Variants in ARIH2 observed in about 807,000 individuals in gnomAD.
ARIH2 encodes the protein E3 ubiquitin-protein ligase ARIH2.
Under a neutral mutation model 79.8 loss-of-function variants are expected in ARIH2, and 12 were observed. The ratio of observed to expected loss-of-function variants is 0.15; its 90% CI spans 0.10 to 0.24. ARIH2 has a LOEUF of 0.24. Ranked by LOEUF, ARIH2 falls within the 10% of genes least tolerant of loss-of-function variation. The pLI, the probability that ARIH2 is intolerant of heterozygous loss-of-function variation, is 1.00. For missense variants in ARIH2, 301 were observed against 618.3 expected, an observed-to-expected ratio of 0.49 and a Z score of 5.44; for synonymous variants, 224 against 213.9, an observed-to-expected ratio of 1.05 and a Z score of -0.41.
At chr3:48,967,749 A>C (rs1353940068) in intron 6 of ARIH2, among the ~76,000 whole-genome samples, 1 of 152,232 alleles carries the variant, frequency 6.6e-6, no homozygotes, top group African/African-American at 2.4e-5. Flanking sequence ...AATCACCTCT[A>C]AATAATGTTA....
In ARIH2 at chr3:48,927,768, G is replaced by A. The variant is rs773970088; in HGVS notation, c.210G>A (p.Glu70=). The A allele has an allele frequency of 1.2e-6, 2 of 1,614,190 alleles. No individual in the cohort carries two copies. Among genetic ancestry groups the A allele is most frequent in the African/African-American group, 2.7e-5 (2 of 75,058 alleles). Reference sequence around the variant, plus strand: ...CTTGCTTGACCTACAAGGAATCTGAGGGTGCCCTCAATGAGCACATGACCA... The same window carrying A: ...CTTGCTTGACCTACAAGGAATCTGAAGGTGCCCTCAATGAGCACATGACCA... The part of the protein sequence containing the change: ...QFTCLTYKES[E]GALNEHMTSL... The change falls in exon 3 of 16, where the codon GAG becomes GAA. Residue 70 remains glutamate, a synonymous_variant. Transcript: ENST00000356401.
intron 15 of ARIH2, 59 bp downstream of exon 15, chr3:48,983,038 A>T (rs2092806916): frequency 1.3e-6 from 2 of 1,557,742 alleles, no homozygotes; most frequent in Middle Eastern, 1.7e-4. Flanking sequence ...GCATGGTAAT[A>T]GGTGACAGCG....
chr3:48,976,903 CA>C (rs377502253), intron 11 of ARIH2, among the ~76,000 whole-genome samples: 47 of 134,948 alleles, frequency 3.5e-4, no homozygotes, highest in South Asian at 4.9e-4. Flanking sequence ...GACTCTGTCT[CA>C]AAAAAAAAAA....
chr3:48,952,056 CT>C (rs1361943890), intron 3 of ARIH2, among the ~76,000 whole-genome samples: 17 of 151,884 alleles, frequency 1.1e-4, no homozygotes, highest in East Asian at 5.8e-4. Context: ...ATTTTTGGAC[CT>C]TTTTTAATAT....
intron 3 of ARIH2, among the ~76,000 whole-genome samples, chr3:48,938,435 C>T (rs2087493294): frequency 6.6e-6 from 1 of 151,798 alleles, no homozygotes; most frequent in Non-Finnish European, 1.5e-5. Context: ...GAATGAGCTA[C>T]TTATATAAGC....
rs1187451779 is a variant in ARIH2 at position 48,986,012 on chromosome 3, G to C, written c.*2742G>C. ...AAGTGTGGAGTCTAATCTCAAGGGT[G>C]AAGGACAGGAAATGAGGTTTGGATT... On this transcript the variant is annotated 3_prime_UTR_variant, in exon 16 of 16. Transcript: ENST00000356401. The C allele has an allele frequency of 2.6e-5, 4 of 152,264 alleles. No homozygotes were observed. Among genetic ancestry groups the C allele is most frequent in the African/African-American group, 9.7e-5 (4 of 41,442 alleles). 9.4% of individuals were successfully genotyped at this position (152,264 alleles called of 1,614,324 possible). A position where few individuals can be genotyped will look rare whatever the true frequency, so the allele number is the denominator to read the frequency against.
At chr3:48,961,757 C>T in intron 4 of ARIH2, 78 bp downstream of exon 4, 3 of 953,216 alleles carry the variant, frequency 3.1e-6, no homozygotes, top group Non-Finnish European at 5.1e-6. Flanking sequence ...CATTTTGGAC[C>T]ATATTCGACT....
At chr3:48,979,735 A>C in intron 12 of ARIH2, 102 bp downstream of exon 12, 1 of 1,329,924 alleles carries the variant, frequency 7.5e-7, no homozygotes, top group South Asian at 1.4e-5. Flanking sequence ...GCCTGTGCAC[A>C]TAGAAGTCAG....
chr3:48,945,201 G>T (rs1213667712), intron 3 of ARIH2: 1 of 1,289,614 alleles, frequency 7.8e-7, no homozygotes, highest in East Asian at 5.5e-5. Context: ...GGAAGGGCTG[G>T]TGACAGTTTT....
At chr3:48,939,174 G>T (rs1203420457) in intron 3 of ARIH2, among the ~76,000 whole-genome samples, 1 of 152,004 alleles carries the variant, frequency 6.6e-6, no homozygotes, top group African/African-American at 2.4e-5. Context: ...CACCATGTTG[G>T]CCAGGCTGGT....
intron 3 of ARIH2, among the ~76,000 whole-genome samples, chr3:48,954,011 A>G (rs1266951701): frequency 6.6e-6 from 1 of 151,696 alleles, no homozygotes; most frequent in South Asian, 2.1e-4. Flanking sequence ...AAATACAAAA[A>G]TTAGCCGGGA....
rs150586912 is a variant in ARIH2 at position 48,948,700 on chromosome 3, C to T, written c.256-12912C>T. Among the ~76,000 whole-genome samples the T allele has an allele frequency of 1.2e-3, 182 of 152,312 alleles. 12 individuals are homozygous for T. In the East Asian group the frequency reaches 0.025, roughly 21 times the overall value. On this transcript the variant is annotated intron_variant, in intron 3 of 15. Coordinates refer to ENST00000356401, the MANE Select transcript of ARIH2 (RefSeq NM_006321.4). Reference sequence around the variant, plus strand: ...AACATTTCATCACCTAAAAAATTCCCGTGTTCATTTATAGTTGATCCCTGT... The same window carrying T: ...AACATTTCATCACCTAAAAAATTCCTGTGTTCATTTATAGTTGATCCCTGT...
At chr3:48,982,724 T>C (rs1049962787) in intron 14 of ARIH2, 172 bp from the exon 15 acceptor site, 4 of 592,138 alleles carry the variant, frequency 6.8e-6, no homozygotes, top group Non-Finnish European at 1.2e-5. Flanking sequence ...GGATAGCCTT[T>C]TGTTTGGATT....
At chr3:48,969,075 G>C (rs971683696) in intron 7 of ARIH2, among the ~76,000 whole-genome samples, 1 of 151,968 alleles carries the variant, frequency 6.6e-6, no homozygotes, top group Non-Finnish European at 1.5e-5. Context: ...GTAGAGACGG[G>C]GTTTCACCAG....
intron 3 of ARIH2, among the ~76,000 whole-genome samples, chr3:48,957,356 C>T (rs1298104959): frequency 6.6e-6 from 1 of 152,118 alleles, no homozygotes; most frequent in Non-Finnish European, 1.5e-5. Context: ...ATTTTAAATC[C>T]ACAGCTTAAA....
At chr3:48,961,975 A>AT (rs1484692518) in intron 4 of ARIH2, among the ~76,000 whole-genome samples, 2 of 152,054 alleles carry the variant, frequency 1.3e-5, no homozygotes, top group African/African-American at 4.8e-5. Flanking sequence ...CCCATTGTTA[A>AT]TTTTTAATCA....
chr3:48,922,386 C>T (rs2084941397), intron 1 of ARIH2: 1 of 151,954 alleles, frequency 6.6e-6, no homozygotes, highest in African/African-American at 2.4e-5. Flanking sequence ...TCACTGCAAC[C>T]TCTGCCTCCC....
At chr3:48,926,178 T>A (rs2085564895) in intron 2 of ARIH2, among the ~76,000 whole-genome samples, 1 of 152,180 alleles carries the variant, frequency 6.6e-6, no homozygotes, top group Admixed American at 6.6e-5. Flanking sequence ...CTCTTTTCGT[T>A]TATATGTAAT....
chr3:48,934,403 CATTA>C (rs1165150651), intron 3 of ARIH2: 3 of 978,150 alleles, frequency 3.1e-6, no homozygotes, highest in Non-Finnish European at 3.6e-6. Context: ...TACTTACAGT[CATTA>C]ATTGACCAAT....
Sources: gnomAD v4.1 joint callset for allele counts (sites outside exome capture counted in the v4.1 genomes callset) on GRCh38, gnomAD v4.1.1 for gene constraint, MANE v1.5 for transcripts, NCBI Gene and HGNC (gene_info 2026-07-23, HGNC 2026-07-21) for gene names.